KBTBD11: variants seen among roughly 807,000 people sequenced by gnomAD.
KBTBD11 encodes kelch repeat and BTB domain containing 11, also known as kelch repeat and BTB domain-containing protein 11.
For synonymous variants in KBTBD11, 747 were observed against 499.0 expected (o/e 1.50, Z -6.63); for missense variants, 1,390 against 1,001.8 (o/e 1.39, Z -5.23).
chr8:1,997,201 C>G (rs144025179), intron 1 of KBTBD11, among the ~76,000 whole-genome samples: 197 of 152,228 alleles, frequency 1.3e-3, no homozygotes, highest in African/African-American at 4.5e-3. Flanking sequence ...CAGGGAGCCT[C>G]TTAGTGGAAT....
rs1817403342 is a variant in KBTBD11, at chr8:2,002,223, C to G, written c.1031C>G (p.Pro344Arg). ...AGEWRELTRLPEGAPARGCGL... is the reference protein window; with the variant it reads ...AGEWRELTRLREGAPARGCGL... ...GAGTGGCGCGAGCTGACGCGGCTGC[C>G]CGAGGGCGCGCCGGCGCGGGGCTGC... Residue 344 changes from proline to arginine, a missense_variant, in exon 2 of 2, where the codon CCC becomes CGC. Pro to Arg is a moderately radical substitution (Grantham distance 103, BLOSUM62 -2). Transcript: ENST00000320248. This position sits in a 1 kb window ranked among gnomAD's most constrained non-coding sequence, Gnocchi z 4.1. The G allele has an allele frequency of 7.9e-7, 1 of 1,268,826 alleles. No individual in the cohort carries two copies. The highest frequency in any genetic ancestry group is 9.9e-7 in the Non-Finnish European group (1 of 1,011,826). The allele number at this position is 1,268,826 out of a possible 1,614,324, so 78.6% of individuals were successfully genotyped here.
intron 1 of KBTBD11, among the ~76,000 whole-genome samples, chr8:1,998,523 A>G (rs4532640): frequency 0.14 from 21,746 of 152,220 alleles, 1,781 homozygotes; most frequent in East Asian, 0.18. Context: ...TTACATAAAG[A>G]TGACTCTCGG....
At chr8:1,975,617 A>C (rs1448086676) in intron 1 of KBTBD11, among the ~76,000 whole-genome samples, 3 of 152,222 alleles carry the variant, frequency 2.0e-5, no homozygotes, top group African/African-American at 7.2e-5. Context: ...TCTAACTATC[A>C]TTTCTCAGAA....
intron 1 of KBTBD11, chr8:1,975,271 C>A (rs1161921552): frequency 6.6e-6 from 1 of 152,276 alleles, no homozygotes; most frequent in Non-Finnish European, 1.5e-5. Flanking sequence ...ACAGGCATTG[C>A]TGGCCATAGC....
At chr8:1,974,684 C>A (rs1459480530) in intron 1 of KBTBD11, 10 of 985,408 alleles carry the variant, frequency 1.0e-5, no homozygotes, top group Non-Finnish European at 1.2e-5. Flanking sequence ...GGGAGACCCC[C>A]GGGCGGTCTG....
rs200113299 is a variant in KBTBD11 at position 2,002,599 on chromosome 8, C to T, written c.1407C>T (p.Arg469=). Reference sequence around the variant, plus strand: ...TGTCCGGGGGCTCCCTCTTCTATCGCCTGCTCAAGTATGACCCGCGGCGCG... The same window carrying T: ...TGTCCGGGGGCTCCCTCTTCTATCGTCTGCTCAAGTATGACCCGCGGCGCG... ...IYVSGGSLFY[R]LLKYDPRRDE... The change falls in exon 2 of 2, where the codon CGC becomes CGT. Residue 469 remains arginine (R), a synonymous_variant. Transcript: ENST00000320248. The surrounding 1 kb of genome is among the most constrained non-coding windows in gnomAD (Gnocchi z 4.1). The T allele has an allele frequency of 2.5e-4, 390 of 1,585,778 alleles. 2 individuals carry two copies. The highest frequency in any genetic ancestry group is 4.8e-4 in the Admixed American group (28 of 58,778).
At chr8:1,982,478 A>G (rs888127395) in intron 1 of KBTBD11, among the ~76,000 whole-genome samples, 1 of 144,906 alleles carries the variant, frequency 6.9e-6, no homozygotes. Context: ...GGTTAAAAAA[A>G]CATATAAGAC....
intron 1 of KBTBD11, among the ~76,000 whole-genome samples, chr8:1,993,375 G>A (rs200750566): frequency 1.3e-3 from 156 of 124,424 alleles, no homozygotes; most frequent in Middle Eastern, 3.9e-3. Flanking sequence ...CCGTCCGTCC[G>A]TCCGTCCGTC....
intron 1 of KBTBD11, among the ~76,000 whole-genome samples, chr8:1,994,808 C>T (rs1817070798): frequency 6.6e-6 from 1 of 152,144 alleles, no homozygotes; most frequent in Admixed American, 6.5e-5. Context: ...CCTGTAATCC[C>T]ACCACTTTGG....
chr8:1,974,273 C>T (rs1257289195), intron 1 of KBTBD11: 8 of 981,754 alleles, frequency 8.1e-6, no homozygotes, highest in African/African-American at 1.8e-5. Flanking sequence ...CAGGCCCTCC[C>T]CCGGGACGCG....
intron 1 of KBTBD11, among the ~76,000 whole-genome samples, chr8:1,987,960 C>T (rs1415716948): frequency 6.6e-6 from 1 of 152,102 alleles, no homozygotes; most frequent in Non-Finnish European, 1.5e-5. Context: ...TCAGTTCCCA[C>T]CTTTGAGTGA....
rs1303599720 is a variant in KBTBD11, at chr8:2,001,474, T to C, written c.282T>C (p.Pro94=). The C allele has an allele frequency of 1.5e-6, 2 of 1,378,020 alleles. No homozygotes were observed. The highest frequency in any genetic ancestry group is 1.9e-6 in the Non-Finnish European group (2 of 1,073,826). 85.4% of individuals were successfully genotyped at this position (1,378,020 alleles called of 1,614,324 possible). The change falls in exon 2 of 2, where the codon CCT becomes CCC. Residue 94 remains proline (P), a synonymous_variant. Coordinates refer to ENST00000320248, the MANE Select transcript of KBTBD11 (RefSeq NM_014867.3). ...GAASPEELAS[P]EERACPEEPA... is the part of the protein sequence containing the mutation. ...CGTCCCCGGAGGAGCTCGCGTCCCC[T>C]GAGGAGCGCGCGTGCCCGGAAGAGC...
In KBTBD11 at chr8:2,002,356, C is replaced by T. The variant is rs1202421019; in HGVS notation, c.1164C>T (p.Ala388=). The stretch of plus-strand genomic sequence containing the variant: ...ACCAGGTCTTCTGCTACAACCCGGC[C>T]ACGGACAGCTGGAGCGCCGTGAGGC... ...PSDQVFCYNP[A]TDSWSAVRPL... The change falls in exon 2 of 2, where the codon GCC becomes GCT. Residue 388 remains alanine, a synonymous_variant. Coordinates refer to ENST00000320248, the MANE Select transcript of KBTBD11 (RefSeq NM_014867.3). This position sits in a 1 kb window ranked among gnomAD's most constrained non-coding sequence, Gnocchi z 4.1. 2 of 1,471,402 alleles carry T rather than the reference C, an allele frequency of 1.4e-6. No homozygotes were observed. The highest frequency in any genetic ancestry group is 1.3e-5 in the South Asian group (1 of 78,726). 91.1% of individuals were successfully genotyped at this position (1,471,402 alleles called of 1,614,324 possible).
chr8:2,000,034 G>C (rs1203125651), intron 1 of KBTBD11, among the ~76,000 whole-genome samples: 1 of 152,178 alleles, frequency 6.6e-6, no homozygotes, highest in Non-Finnish European at 1.5e-5. Context: ...GGTGCCAATT[G>C]CTTGAACTGG....
intron 1 of KBTBD11, among the ~76,000 whole-genome samples, chr8:1,989,695 A>G (rs145345384): frequency 1.5e-4 from 23 of 152,318 alleles, no homozygotes; most frequent in Non-Finnish European, 2.9e-4. Context: ...AAGAGCTCAT[A>G]GCAGGCAGTG....
chr8:1,989,523 A>G (rs1816830115), intron 1 of KBTBD11, among the ~76,000 whole-genome samples: 1 of 152,204 alleles, frequency 6.6e-6, no homozygotes, highest in South Asian at 2.1e-4. Context: ...CGTGTCAGCA[A>G]TGAAGGAATG....
chr8:1,975,855 A>G (rs1442408137), intron 1 of KBTBD11: 2 of 152,194 alleles, frequency 1.3e-5, no homozygotes, highest in African/African-American at 4.8e-5. Context: ...TGTAAACTCC[A>G]ATACAAACCC....
rs143973546 is a variant in KBTBD11 at position 2,001,127 on chromosome 8, G to T, written c.-66G>T. 4.5e-4 allele frequency: 570 copies of T among 1,268,494 alleles called. 1 individual carries two copies. In the African/African-American group the frequency reaches 8.0e-3, roughly 18 times the overall value. The allele number at this position is 1,268,494 out of a possible 1,614,324, so 78.6% of individuals were successfully genotyped here. Reference sequence around the variant, plus strand: ...GGCTGGAAACCCCGGAGTAAGGCTCGACCTTGGCCAGACCTGCAGGCTGCG... The same window carrying T: ...GGCTGGAAACCCCGGAGTAAGGCTCTACCTTGGCCAGACCTGCAGGCTGCG... On this transcript the variant is annotated 5_prime_UTR_variant, in exon 2 of 2. Coordinates refer to ENST00000320248, the MANE Select transcript of KBTBD11 (RefSeq NM_014867.3).
intron 1 of KBTBD11, among the ~76,000 whole-genome samples, chr8:1,994,214 C>T (rs374310784): frequency 1.3e-5 from 2 of 151,438 alleles, no homozygotes; most frequent in East Asian, 3.8e-4. Context: ...CCTAAATGAC[C>T]CCCAGGAGGG....
Sources: allele counts gnomAD v4.1 joint callset (sites outside exome capture counted in the v4.1 genomes callset), GRCh38; gene constraint gnomAD v4.1.1; non-coding constraint Gnocchi (gnomAD v3.1); transcripts MANE v1.5; gene names NCBI Gene and HGNC (gene_info 2026-07-23, HGNC 2026-07-21).